The following PRKN variants were observed in gnomAD, a reference collection of about 807,000 sequenced individuals.
PRKN encodes the protein parkin RBR E3 ubiquitin protein ligase, also known as E3 ubiquitin-protein ligase parkin.
Under a neutral mutation model 59.5 loss-of-function variants are expected in PRKN, and 56 were observed. That is an observed-to-expected ratio of 0.94 (90% CI 0.76 to 1.18). The LOEUF (loss-of-function observed/expected upper bound fraction) is 1.18. PRKN is among the 50% of genes most tolerant of loss of function. The pLI is 0.00. For synonymous variants in PRKN, 250 were observed against 222.1 expected (o/e 1.13, Z -1.12); for missense variants, 657 against 596.4 (o/e 1.10, Z -1.06).
At chr6:162,269,674 T>G (rs1287753756) in intron 2 of PRKN, 1 of 152,246 alleles carries the variant, frequency 6.6e-6, no homozygotes, top group East Asian at 1.9e-4. Flanking sequence ...GTATCATTCA[T>G]TCATTTTCAG....
chr6:161,352,771 A>ATATATATT lies in PRKN; in HGVS notation c.1286-2561_1286-2560insAATATATA, dbSNP rs34279714. On this transcript the variant is annotated intron_variant, in intron 11 of 11. Coordinates refer to ENST00000366898, the MANE Select transcript of PRKN (RefSeq NM_004562.3). This position sits in a 1 kb window ranked among gnomAD's most constrained non-coding sequence, Gnocchi z 5.8. ...TGTGTGTGTGTATATATATATATAT[A>ATATATATT]TTTTATTTTATTTTATTTTATTTTT... Among the ~76,000 whole-genome samples, 5 of 116,900 alleles carry ATATATATT rather than the reference A, an allele frequency of 4.3e-5. No individual in the cohort carries two copies. Among genetic ancestry groups the ATATATATT allele is most frequent in the African/African-American group, 1.2e-4 (4 of 34,428 alleles). The allele number at this position is 116,900 out of a possible 152,430, so 76.7% of individuals were successfully genotyped here.
intron 7 of PRKN, among the ~76,000 whole-genome samples, chr6:161,752,354 G>A (rs1161826521): frequency 2.0e-5 from 3 of 150,848 alleles, no homozygotes; most frequent in African/African-American, 4.8e-5. Flanking sequence ...GTGACAGAGC[G>A]AGACTCTGTC....
At chr6:161,993,379 AC>A (rs1410832197) in intron 5 of PRKN, among the ~76,000 whole-genome samples, 1 of 152,134 alleles carries the variant, frequency 6.6e-6, no homozygotes, top group Non-Finnish European at 1.5e-5. Flanking sequence ...GACACATACA[AC>A]CTACCAAGAA....
chr6:162,651,868 A>C (rs1778451074), intron 1 of PRKN, among the ~76,000 whole-genome samples: 1 of 152,028 alleles, frequency 6.6e-6, no homozygotes, highest in Non-Finnish European at 1.5e-5. Flanking sequence ...TTCACTAATA[A>C]ATTAATTGTT....
intron 6 of PRKN, among the ~76,000 whole-genome samples, chr6:161,799,294 G>C (rs769570556): frequency 1.2e-4 from 19 of 152,180 alleles, no homozygotes; most frequent in African/African-American, 2.2e-4. Context: ...TGTTCTCAGT[G>C]ACTGACAGTT....
chr6:162,323,965 A>T (rs1042438595), intron 2 of PRKN, among the ~76,000 whole-genome samples: 3 of 152,100 alleles, frequency 2.0e-5, no homozygotes, highest in African/African-American at 7.2e-5. Context: ...ATAACAGTGC[A>T]ATAGCCAAAA....
Position 161,575,461 on chromosome 6 carries a change from A to G in PRKN, c.872-6045T>C, listed in dbSNP as rs114263485. Among the ~76,000 whole-genome samples the G allele has an allele frequency of 7.8e-4, 119 of 152,352 alleles. No individual in the cohort carries two copies. The highest frequency in any genetic ancestry group is 2.7e-3 in the African/African-American group (114 of 41,586). ...ATTAACTGAGCCATAATGTTTTCAGAAAGCTTTCGGTGAATTTCCTCAACA... is the reference window on the plus strand; with the variant it reads ...ATTAACTGAGCCATAATGTTTTCAGGAAGCTTTCGGTGAATTTCCTCAACA... On this transcript the variant is annotated intron_variant, in intron 7 of 11. Transcript: ENST00000366898. This position sits in a 1 kb window ranked among gnomAD's most constrained non-coding sequence, Gnocchi z 4.6.
chr6:161,693,113 A>G (rs535672601), intron 7 of PRKN, among the ~76,000 whole-genome samples: 197 of 152,274 alleles, frequency 1.3e-3, no homozygotes, highest in Middle Eastern at 6.8e-3. Flanking sequence ...AATTAAAAAA[A>G]CACATAAACA....
chr6:162,656,919 A>C (rs1266350479), intron 1 of PRKN, among the ~76,000 whole-genome samples: 1 of 152,172 alleles, frequency 6.6e-6, no homozygotes, highest in East Asian at 1.9e-4. Context: ...CTTAGTTAGG[A>C]GCTTTCCTCT....
At chr6:162,619,959 G>T (rs1782595264) in intron 1 of PRKN, among the ~76,000 whole-genome samples, 1 of 151,982 alleles carries the variant, frequency 6.6e-6, no homozygotes, top group Non-Finnish European at 1.5e-5. Context: ...TAAACAGAAA[G>T]GTAATATTTG....
chr6:162,240,339 A>G (rs1373615326), intron 3 of PRKN, among the ~76,000 whole-genome samples: 3 of 152,182 alleles, frequency 2.0e-5, no homozygotes, highest in Non-Finnish European at 4.4e-5. Context: ...AGACCTTCCA[A>G]CATTTCTCAG....
intron 7 of PRKN, among the ~76,000 whole-genome samples, chr6:161,662,283 T>A (rs753337973): frequency 1.8e-4 from 27 of 152,188 alleles, no homozygotes; most frequent in Non-Finnish European, 3.7e-4. Flanking sequence ...CTGACCTGGA[T>A]GCAGACAGTC....
intron 7 of PRKN, among the ~76,000 whole-genome samples, chr6:161,590,735 C>CA (rs367972243): frequency 0.27 from 26,485 of 99,164 alleles, 2,824 homozygotes; most frequent in East Asian, 0.58. Context: ...GACTCTGTCT[C>CA]AAAAAAAAAA....
chr6:161,479,458 T>G (rs1791284474), intron 9 of PRKN, among the ~76,000 whole-genome samples: 1 of 152,194 alleles, frequency 6.6e-6, no homozygotes, highest in Non-Finnish European at 1.5e-5. Context: ...ATAATACATT[T>G]ATATTTTATA....
chr6:161,425,877 T>A (rs1788328782), intron 9 of PRKN, among the ~76,000 whole-genome samples: 1 of 152,090 alleles, frequency 6.6e-6, no homozygotes, highest in Non-Finnish European at 1.5e-5. Flanking sequence ...AGACATGGTA[T>A]TTTTTTAATA....
intron 9 of PRKN, among the ~76,000 whole-genome samples, chr6:161,436,445 A>G (rs550962788): frequency 4.7e-4 from 58 of 123,344 alleles, no homozygotes; most frequent in African/African-American, 1.6e-3. Context: ...ACTCTCTGCA[A>G]ACTCAAGACT....
intron 7 of PRKN, among the ~76,000 whole-genome samples, chr6:161,679,741 CTTTTTTTTTTTTTTT>C (rs745812196): frequency 1.3e-4 from 3 of 23,484 alleles, no homozygotes; most frequent in Admixed American, 6.6e-4. Flanking sequence ...TCAGAGCCAG[CTTTTTTTTTTTTTTT>C]TTTTTTTTTT....
intron 3 of PRKN, among the ~76,000 whole-genome samples, chr6:162,256,835 T>C (rs2128098264): frequency 6.6e-6 from 1 of 152,302 alleles, no homozygotes; most frequent in South Asian, 2.1e-4. Context: ...CAATATGACC[T>C]TGCAGAGGTG....
chr6:162,222,847 A>T (rs1355601238), intron 3 of PRKN, among the ~76,000 whole-genome samples: 3 of 151,854 alleles, frequency 2.0e-5, no homozygotes, highest in African/African-American at 7.3e-5. Context: ...TCTTTTTTTT[A>T]ATTTTATTTT....
Sources: gnomAD v4.1 joint callset for allele counts (sites outside exome capture counted in the v4.1 genomes callset) on GRCh38, gnomAD v4.1.1 for gene constraint, Gnocchi (gnomAD v3.1) non-coding constraint, MANE v1.5 for transcripts, NCBI Gene and HGNC (gene_info 2026-07-23, HGNC 2026-07-21) for gene names.